Variants in SGSH observed in about 807,000 individuals in gnomAD.
SGSH encodes heparan sulfate sulfatase.
Under a neutral mutation model 51.0 loss-of-function variants are expected in SGSH, and 48 were observed. That is an observed-to-expected ratio of 0.94 (90% confidence interval 0.75 to 1.20). The LOEUF (loss-of-function observed/expected upper bound fraction) is 1.20. SGSH is among the 50% of genes most tolerant of loss of function. SGSH has a pLI of 0.00. For synonymous variants in SGSH, 321 were observed against 313.4 expected (o/e 1.02, Z -0.26); for missense variants, 662 against 717.8 (o/e 0.92, Z 0.89).
Position 80,220,313 on chromosome 17 carries a change from T to TGGC in SGSH, c.-3_-1dup, listed in dbSNP as rs1555624208. 7 of 1,491,322 alleles carry TGGC rather than the reference T, an allele frequency of 4.7e-6. No individual in the cohort carries two copies. The highest frequency in any genetic ancestry group is 2.5e-5 in the South Asian group (2 of 79,646). The allele number at this position is 1,491,322 out of a possible 1,614,324, so 92.4% of individuals were successfully genotyped here. On this transcript the variant is annotated 5_prime_UTR_variant, in exon 1 of 8. Coordinates refer to ENST00000326317, the MANE Select transcript of SGSH (RefSeq NM_000199.5). ...CAGCAGGCGGGCACGGGGCAGCTCATGGCGGCGGCGGCTCGGACTCGGGAT... is the reference window on the plus strand; with the variant it reads ...CAGCAGGCGGGCACGGGGCAGCTCATGGCGGCGGCGGCGGCTCGGACTCGGGAT...
Position 80,210,610 on chromosome 17 carries a change from G to A in SGSH, c.1351C>T (p.Leu451=). The change falls in exon 8 of 8, where the codon CTG becomes TTG. Residue 451 remains leucine (L), a synonymous_variant. Transcript: ENST00000326317. ...RSRDPHETQN[L]ATDPRFAQLL... Reference sequence around the variant, plus strand: ...TGAGCAAAGCGCGGGTCGGTGGCCAGGTTCTGGGTCTCGTGGGGGTCCCGG... The same window carrying A: ...TGAGCAAAGCGCGGGTCGGTGGCCAAGTTCTGGGTCTCGTGGGGGTCCCGG... 6.2e-7 allele frequency: 1 copy of A among 1,613,716 alleles called. No homozygotes were observed. The highest frequency in any genetic ancestry group is 8.5e-7 in the Non-Finnish European group (1 of 1,179,952).
downstream of SGSH, among the ~76,000 whole-genome samples, chr17:80,207,375 A>C (rs954180033): frequency 1.3e-5 from 2 of 152,122 alleles, no homozygotes; most frequent in African/African-American, 4.8e-5. Context: ...ACATGGAGAA[A>C]CCCTGTCTCT....
Position 80,212,934 on chromosome 17 carries a change from T to C in SGSH, c.746-660A>G, listed in dbSNP as rs1035044322. 1 of 159,328 alleles carries C rather than the reference T, an allele frequency of 6.3e-6. No homozygotes were observed. The highest frequency in any genetic ancestry group is 2.4e-5 in the African/African-American group (1 of 41,468). The allele number at this position is 159,328 out of a possible 1,614,324, so 9.9% of individuals were successfully genotyped here. A position where few individuals can be genotyped will look rare whatever the true frequency, so the allele number is the denominator to read the frequency against. On this transcript the variant is annotated intron_variant, in intron 6 of 7. Coordinates refer to ENST00000326317, the MANE Select transcript of SGSH (RefSeq NM_000199.5). This position sits in a 1 kb window ranked among gnomAD's most constrained non-coding sequence, Gnocchi z 5.9. ...GGCCGGGCGCGGTGCCTCACACCTG[T>C]AATCCCAGCACTTTGGGAGGCTGAG...
downstream of SGSH, chr17:80,204,006 C>A (rs2289540): frequency 1.1e-5 from 10 of 871,898 alleles, no homozygotes; most frequent in Non-Finnish European, 8.9e-6. Flanking sequence ...GTAACCCCAC[C>A]TGTCTCTCCT....
At chr17:80,206,903 C>A, downstream of SGSH, 2 of 1,173,860 alleles carry the variant, frequency 1.7e-6, no homozygotes, top group Non-Finnish European at 2.5e-6. Context: ...CTGACCTGGG[C>A]GTTGGCTCCC....
In SGSH at chr17:80,213,576, A is replaced by C. The variant is rs554800385; in HGVS notation, c.745+228T>G. ...GAAGTCTTCACGCAACCTCTGGGGCACCCGAAGGCCCCAGCCCAGGAGCAG... is the reference window on the plus strand; with the variant it reads ...GAAGTCTTCACGCAACCTCTGGGGCCCCCGAAGGCCCCAGCCCAGGAGCAG... On this transcript the variant is annotated intron_variant, in intron 6 of 7. Transcript: ENST00000326317. This position sits in a 1 kb window ranked among gnomAD's most constrained non-coding sequence, Gnocchi z 4.6. 3.2e-5 allele frequency: 19 copies of C among 588,388 alleles called. No homozygotes were observed. Among genetic ancestry groups the C allele is most frequent in the Admixed American group, 1.2e-4 (4 of 33,432 alleles). 36.4% of individuals were successfully genotyped at this position (588,388 alleles called of 1,614,324 possible).
chr17:80,217,851 TTGA>T (rs2041950066), intron 1 of SGSH, among the ~76,000 whole-genome samples: 1 of 144,192 alleles, frequency 6.9e-6, no homozygotes, highest in South Asian at 2.2e-4. Context: ...CACAATAAGC[TTGA>T]TGATACCCTA....
intron 1 of SGSH, among the ~76,000 whole-genome samples, chr17:80,219,273 G>A (rs143551714): frequency 0.012 from 1,832 of 151,818 alleles, 17 homozygotes; most frequent in Middle Eastern, 0.028. Flanking sequence ...GTGACCACCT[G>A]TAAGCCGAAA....
chr17:80,209,272 T>A, downstream of SGSH: 2 of 971,446 alleles, frequency 2.1e-6, no homozygotes, highest in Non-Finnish European at 2.4e-6. Context: ...GGTATCATCA[T>A]AAATGAGTTC....
intron 2 of SGSH, among the ~76,000 whole-genome samples, chr17:80,216,328 CAA>C (rs796182440): frequency 7.2e-6 from 1 of 139,206 alleles, no homozygotes; most frequent in African/African-American, 2.7e-5. Context: ...GACTCCAACT[CAA>C]AAAAAAAAAG....
chr17:80,212,124 G>A lies in SGSH; in HGVS notation c.896C>T (p.Pro299Leu), dbSNP rs776306411. Residue 299 changes from proline to leucine, a missense_variant, in exon 7 of 8, where the codon CCG becomes CTG. Transcript: ENST00000326317. This position sits in a 1 kb window ranked among gnomAD's most constrained non-coding sequence, Gnocchi z 5.9. ...GTAEPLLVSS[P>L]EHPKRWGQVS... ...TTGGCCCCAGCGTTTTGGGTGCTCC[G>A]GGGATGACACCAGTAAGGGTTCAGC... is the stretch of plus-strand genomic sequence containing the variant. The A allele has an allele frequency of 9.9e-6, 16 of 1,613,446 alleles. No individual in the cohort carries two copies. The highest frequency in any genetic ancestry group is 5.5e-5 in the South Asian group (5 of 91,078).
chr17:80,212,579 A>G lies in SGSH; in HGVS notation c.746-305T>C, dbSNP rs1474953489. ...CCCGCCGGCTTTTGAGTTCTCCGGAATCTCGTGTCTGTCCCATGGAGCAAA... is the reference window on the plus strand; with the variant it reads ...CCCGCCGGCTTTTGAGTTCTCCGGAGTCTCGTGTCTGTCCCATGGAGCAAA... On this transcript the variant is annotated intron_variant, in intron 6 of 7. Transcript: ENST00000326317. The surrounding 1 kb of genome is among the most constrained non-coding windows in gnomAD (Gnocchi z 5.9). The G allele has an allele frequency of 2.2e-6, 1 of 459,594 alleles. No homozygotes were observed. Among genetic ancestry groups the G allele is most frequent in the Non-Finnish European group, 4.0e-6 (1 of 247,466 alleles). The allele number at this position is 459,594 out of a possible 1,614,324, so 28.5% of individuals were successfully genotyped here. A position where few individuals can be genotyped will look rare whatever the true frequency, so the allele number is the denominator to read the frequency against.
rs1247118396 is a variant in SGSH, at chr17:80,210,975, G to A, written c.986C>T (p.Pro329Leu). 3.1e-6 allele frequency: 5 copies of A among 1,599,854 alleles called. No individual in the cohort carries two copies. Among genetic ancestry groups the A allele is most frequent in the South Asian group, 2.2e-5 (2 of 91,078 alleles). ...GCCAAAGATGGCGTAGCTGGGGTACGGGATCGAGAACCAATCCAAGATGGT... is the reference window on the plus strand; with the variant it reads ...GCCAAAGATGGCGTAGCTGGGGTACAGGATCGAGAACCAATCCAAGATGGT... ...TPTILDWFSI[P>L]YPSYAIFGSK... The change falls in exon 8 of 8, where the codon CCG (proline) becomes CTG (leucine). Residue 329 changes from proline (P) to leucine (L), a missense_variant. Coordinates refer to ENST00000326317, the MANE Select transcript of SGSH (RefSeq NM_000199.5).
intron 1 of SGSH, among the ~76,000 whole-genome samples, chr17:80,217,455 G>A (rs145429691): frequency 6.6e-6 from 1 of 152,318 alleles, no homozygotes; most frequent in East Asian, 1.9e-4. Context: ...GGGTATGTTA[G>A]CAGGCAGGCA....
At chr17:80,208,014 G>A (rs2041435766), downstream of SGSH, 3 of 635,494 alleles carry the variant, frequency 4.7e-6, no homozygotes, top group East Asian at 8.7e-5. Flanking sequence ...TCTTTACAAG[G>A]TCCCCTCAAA....
chr17:80,205,725 G>A, downstream of SGSH: 8 of 1,448,044 alleles, frequency 5.5e-6, no homozygotes, highest in Non-Finnish European at 7.3e-6. Context: ...AGGGGGATGA[G>A]ATAAAGGTAC....
At chr17:80,205,590 G>T, downstream of SGSH, 1 of 1,575,518 alleles carries the variant, frequency 6.3e-7, no homozygotes, top group South Asian at 1.2e-5. Context: ...CATCCAGGAG[G>T]GAGAGGTGTC....
At chr17:80,207,498 A>G (rs557482758), downstream of SGSH, 48 of 163,640 alleles carry the variant, frequency 2.9e-4, no homozygotes, top group South Asian at 6.9e-3. Flanking sequence ...GCGGTGAGCC[A>G]AGATCGCGCC....
In SGSH at chr17:80,215,017, G is replaced by C. The variant is rs144837789; in HGVS notation, c.355+16C>G. On this transcript the variant is annotated intron_variant, in intron 3 of 7. Transcript: ENST00000326317. ...GTGCCTCACCCCACGCCCTGTCCTC[G>C]GCACGGGGTCCTCACCTGTGCGCAC... 2.5e-6 allele frequency: 4 copies of C among 1,599,900 alleles called. No homozygotes were observed. The highest frequency in any genetic ancestry group is 3.4e-6 in the Non-Finnish European group (4 of 1,173,200).
Sources: allele counts gnomAD v4.1 joint callset (sites outside exome capture counted in the v4.1 genomes callset), GRCh38; gene constraint gnomAD v4.1.1; non-coding constraint Gnocchi (gnomAD v3.1); transcripts MANE v1.5; gene names NCBI Gene and HGNC (gene_info 2026-07-23, HGNC 2026-07-21).